The following NAV2 variants were observed in gnomAD, a reference collection of about 807,000 sequenced individuals.
The protein encoded by NAV2 is neuron navigator 2.
A neutral mutation model predicts 223.2 loss-of-function variants in NAV2; 54 were observed. The observed-to-expected ratio is 0.24, with a 90% CI of 0.19 to 0.30. NAV2 has a LOEUF of 0.30. Among genes scored for constraint, NAV2 ranks in the 10% least tolerant of loss-of-function variants. The probability of loss-of-function intolerance (pLI) is 1.00; values close to 1 mark genes in which losing one functional copy is unlikely to be tolerated. For synonymous variants in NAV2, 1,279 were observed against 1,239.3 expected (o/e 1.03, Z -0.67); for missense variants, 2,806 against 3,147.5 (o/e 0.89, Z 2.60).
chr11:19,680,874 A>C (rs1590080862), intron 1 of NAV2, among the ~76,000 whole-genome samples: 1 of 152,348 alleles, frequency 6.6e-6, no homozygotes, highest in African/African-American at 2.4e-5. Context: ...ATTTCAGTAA[A>C]GCCAAACAAT....
At chr11:19,485,306 C>T (rs1286675928) in intron 1 of NAV2, among the ~76,000 whole-genome samples, 1 of 152,184 alleles carries the variant, frequency 6.6e-6, no homozygotes, top group East Asian at 1.9e-4. Context: ...CTAGCCCTGA[C>T]TTTTCATTCC....
At chr11:19,936,967 A>G (rs931861866) in intron 7 of NAV2, among the ~76,000 whole-genome samples, 6 of 152,004 alleles carry the variant, frequency 3.9e-5, no homozygotes, top group Non-Finnish European at 8.8e-5. Context: ...GTGAAACCCT[A>G]TCTCTACTAA....
intron 20 of NAV2, among the ~76,000 whole-genome samples, chr11:20,065,913 A>G (rs370958367): frequency 1.3e-5 from 2 of 152,222 alleles, no homozygotes; most frequent in African/African-American, 2.4e-5. Flanking sequence ...GAATGTAACT[A>G]TAGTAAAAGT....
chr11:19,675,754 C>T (rs1321412838), intron 1 of NAV2, among the ~76,000 whole-genome samples: 1 of 152,186 alleles, frequency 6.6e-6, no homozygotes, highest in Non-Finnish European at 1.5e-5. Flanking sequence ...TCTACTCCCT[C>T]AACTGAGTTA....
At chr11:19,394,380 G>C (rs1849367842) in intron 1 of NAV2, among the ~76,000 whole-genome samples, 1 of 152,184 alleles carries the variant, frequency 6.6e-6, no homozygotes, top group Non-Finnish European at 1.5e-5. Context: ...GGGTTGTTGG[G>C]CATTCATTCA....
chr11:19,634,270 C>T (rs1467248368), intron 1 of NAV2, among the ~76,000 whole-genome samples: 1 of 152,158 alleles, frequency 6.6e-6, no homozygotes, highest in Non-Finnish European at 1.5e-5. Context: ...CATCAAGGAA[C>T]AGCCCATCCT....
At chr11:19,409,258 G>GA (rs1850039075) in intron 1 of NAV2, among the ~76,000 whole-genome samples, 1 of 152,208 alleles carries the variant, frequency 6.6e-6, no homozygotes. Context: ...AAGTAAGAAA[G>GA]AAAAGAATGC....
intron 1 of NAV2, among the ~76,000 whole-genome samples, chr11:19,720,442 G>T (rs957776367): frequency 1.3e-5 from 2 of 152,098 alleles, no homozygotes; most frequent in South Asian, 2.1e-4. Flanking sequence ...CAAACAATGG[G>T]CCCCCAGCCT....
chr11:19,943,433 T>G (rs1482630632), intron 8 of NAV2, among the ~76,000 whole-genome samples: 1 of 152,200 alleles, frequency 6.6e-6, no homozygotes, highest in Non-Finnish European at 1.5e-5. Context: ...TTCTTTGGGT[T>G]AAAAGGTGGA....
chr11:19,459,246 C>A (rs926553255), intron 1 of NAV2, among the ~76,000 whole-genome samples: 26 of 152,174 alleles, frequency 1.7e-4, no homozygotes, highest in Non-Finnish European at 7.3e-5. Context: ...GGTCCAGGGG[C>A]AACACACTAT....
At chr11:20,075,157 T>C (rs2059644273) in intron 22 of NAV2, among the ~76,000 whole-genome samples, 1 of 152,178 alleles carries the variant, frequency 6.6e-6, no homozygotes, top group Non-Finnish European at 1.5e-5. Flanking sequence ...CAGGGCAGAC[T>C]AAAGCATATC....
intron 25 of NAV2, among the ~76,000 whole-genome samples, chr11:20,081,974 G>T (rs1446215658): frequency 6.6e-6 from 1 of 151,984 alleles, no homozygotes; most frequent in South Asian, 2.1e-4. Flanking sequence ...AACAGAGGCG[G>T]GGGGGAAAGA....
intron 1 of NAV2, among the ~76,000 whole-genome samples, chr11:19,411,339 T>C (rs914471354): frequency 6.6e-6 from 1 of 152,156 alleles, no homozygotes; most frequent in Admixed American, 6.5e-5. Context: ...GTACACAGAC[T>C]ATGTTCTCTA....
At chr11:19,645,657 G>C (rs2047795727) in intron 1 of NAV2, among the ~76,000 whole-genome samples, 1 of 152,102 alleles carries the variant, frequency 6.6e-6, no homozygotes, top group African/African-American at 2.4e-5. Context: ...AAAACTTACT[G>C]AGCTTTTACT....
chr11:19,452,289 G>T (rs1416171836), intron 1 of NAV2, among the ~76,000 whole-genome samples: 1 of 152,200 alleles, frequency 6.6e-6, no homozygotes, highest in African/African-American at 2.4e-5. Context: ...TGGAAGAACT[G>T]CCATGTGCCA....
At position 20,103,790 on chromosome 11, in the gene NAV2, G is replaced by C. The variant is rs190486605; in HGVS notation, c.6644+66G>C. The stretch of plus-strand genomic sequence containing the variant: ...ACAAAGAAGAAAAGCAAGAAGGGGC[G>C]GGTAGAGATGCCTGTGTTGAGTATG... On this transcript the variant is annotated intron_variant, in intron 34 of 37. Transcript: ENST00000349880. The C allele has an allele frequency of 2.2e-6, 3 of 1,370,460 alleles. No homozygotes were observed. In the African/African-American group the frequency reaches 4.3e-5, roughly 20 times the overall value. The allele number at this position is 1,370,460 out of a possible 1,614,324, so 84.9% of individuals were successfully genotyped here. A position where few individuals can be genotyped will look rare whatever the true frequency, so the allele number is the denominator to read the frequency against.
At chr11:19,662,882 A>G (rs1004352179) in intron 1 of NAV2, among the ~76,000 whole-genome samples, 1 of 152,204 alleles carries the variant, frequency 6.6e-6, no homozygotes, top group Admixed American at 6.5e-5. Flanking sequence ...GACCCAGATG[A>G]TGCCTGCTAG....
At chr11:20,056,479 TA>T in intron 19 of NAV2, 1 of 1,225,848 alleles carries the variant, frequency 8.2e-7, no homozygotes. Context: ...CTTTGGTTGC[TA>T]ACTGAGAATA....
intron 1 of NAV2, among the ~76,000 whole-genome samples, chr11:19,423,059 A>T (rs1258085797): frequency 6.6e-6 from 1 of 152,218 alleles, no homozygotes; most frequent in Non-Finnish European, 1.5e-5. Context: ...TAATATTTAA[A>T]TTATAATATA....
Sources: gnomAD v4.1 joint callset for allele counts (sites outside exome capture counted in the v4.1 genomes callset) on GRCh38, gnomAD v4.1.1 for gene constraint, MANE v1.5 for transcripts, NCBI Gene and HGNC (gene_info 2026-07-23, HGNC 2026-07-21) for gene names.